The following JAML variants were observed in gnomAD, a reference collection of about 807,000 sequenced individuals.
The protein encoded by JAML is junctional adhesion molecule-like.
Under a neutral mutation model 39.3 loss-of-function variants are expected in JAML, and 25 were observed. The observed-to-expected ratio is 0.64, with a 90% CI of 0.46 to 0.89. The LOEUF is 0.89. JAML is among the 40% of genes least tolerant of loss of function. The pLI, the probability that JAML is intolerant of heterozygous loss-of-function variation, is 0.00. For missense variants in JAML, 440 were observed against 486.9 expected, an observed-to-expected ratio of 0.90 and a Z score of 0.91; for synonymous variants, 162 against 179.2, an observed-to-expected ratio of 0.90 and a Z score of 0.77.
Position 118,194,272 on chromosome 11 carries a change from C to T in JAML, c.*53G>A, listed in dbSNP as rs1948606736. On this transcript the variant is annotated 3_prime_UTR_variant, in exon 10 of 10. Transcript: ENST00000356289. ...ATCACTGGTAGAGTGGCCCAGGACA[C>T]ACACAGGAGAGAGTCTCCACCGCTG... is the stretch of plus-strand genomic sequence containing the variant. 1 of 1,497,124 alleles carries T rather than the reference C, an allele frequency of 6.7e-7. No homozygotes were observed. Among genetic ancestry groups the T allele is most frequent in the East Asian group, 2.3e-5 (1 of 44,252 alleles). The allele number at this position is 1,497,124 out of a possible 1,614,324, so 92.7% of individuals were successfully genotyped here. A position where few individuals can be genotyped will look rare whatever the true frequency, so the allele number is the denominator to read the frequency against.
At chr11:118,213,565 G>C (rs1291124134) in intron 2 of JAML, among the ~76,000 whole-genome samples, 1 of 152,250 alleles carries the variant, frequency 6.6e-6, no homozygotes, top group Non-Finnish European at 1.5e-5. Context: ...AGGAAGAATT[G>C]AGCAGCTCCA....
In JAML at chr11:118,197,942, T is replaced by A. The variant is rs750403633; in HGVS notation, c.1005+56A>T. On this transcript the variant is annotated intron_variant, in intron 8 of 9. Coordinates refer to ENST00000356289, the MANE Select transcript of JAML (RefSeq NM_001098526.2). ...GGGTAAGATATGGTTCCCGGGGGTATGAGAACGGCCCAGGCCTGCATCTAC... is the reference window on the plus strand; with the variant it reads ...GGGTAAGATATGGTTCCCGGGGGTAAGAGAACGGCCCAGGCCTGCATCTAC... 22 of 1,512,168 alleles carry A rather than the reference T, an allele frequency of 1.5e-5. No individual in the cohort carries two copies. In the Middle Eastern group the frequency reaches 5.1e-4, roughly 35 times the overall value. 93.7% of individuals were successfully genotyped at this position (1,512,168 alleles called of 1,614,324 possible).
intron 7 of JAML, among the ~76,000 whole-genome samples, chr11:118,199,279 G>C (rs1229227994): frequency 6.6e-6 from 1 of 152,208 alleles, no homozygotes; most frequent in East Asian, 1.9e-4. Context: ...GTCCCGACAG[G>C]GGAAGTAAGC....
chr11:118,210,566 G>C lies in JAML; in HGVS notation c.345C>G (p.Ile115Met). 1 of 1,614,214 alleles carries C rather than the reference G, an allele frequency of 6.2e-7. No individual in the cohort carries two copies. The highest frequency in any genetic ancestry group is 1.1e-5 in the South Asian group (1 of 91,086). ...DVQEADQGTY[I>M]CEIRLKGESQ... ...TCTCCCCTTTGAGGCGGATTTCACA[G>C]ATATAGGTTCCCTGGTCAGCCTCTT... Residue 115 changes from isoleucine (I) to methionine (M), a missense_variant, in exon 4 of 10, where the codon ATC (isoleucine) becomes ATG (methionine). By Grantham distance (10) the Ile-to-Met change is conservative. Transcript: ENST00000356289.
Position 118,203,615 on chromosome 11 carries a change from G to T in JAML, c.585C>A (p.Tyr195Ter). The T allele has an allele frequency of 6.2e-7, 1 of 1,614,146 alleles. No individual in the cohort carries two copies. Among genetic ancestry groups the T allele is most frequent in the Non-Finnish European group, 8.5e-7 (1 of 1,180,016 alleles). ...TCTGGAAGTGGCCCCAGCTCTGGGA[G>T]TACTCCACAGACATCCTGAGTTTGT... ...YYHKLRMSVE[Y>*]SQSWGHFQNR... The change falls in exon 6 of 10, where the codon TAC (tyrosine) becomes TAA (stop). Residue 195 changes from tyrosine (Y) to a stop codon, truncating the protein, a stop_gained. Transcript: ENST00000356289. LOFTEE classifies it high-confidence loss of function.
chr11:118,194,045 A>G lies in JAML; in HGVS notation c.*280T>C. 1 of 390,042 alleles carries G rather than the reference A, an allele frequency of 2.6e-6. No individual in the cohort carries two copies. Among genetic ancestry groups the G allele is most frequent in the Non-Finnish European group, 4.8e-6 (1 of 207,216 alleles). The allele number at this position is 390,042 out of a possible 1,614,324, so 24.2% of individuals were successfully genotyped here. On this transcript the variant is annotated 3_prime_UTR_variant, in exon 10 of 10. Coordinates refer to ENST00000356289, the MANE Select transcript of JAML (RefSeq NM_001098526.2). ...CCTGCCCACAGGAGGGTCTGATCCA[A>G]CGGGGGGTTTGAGGCCACTCAGCTC...
At position 118,196,827 on chromosome 11, in the gene JAML, G is replaced by A; in HGVS notation, c.1006-6C>T. On this transcript the variant is annotated splice_region_variant and splice_polypyrimidine_tract_variant and intron_variant, in intron 8 of 9. Transcript: ENST00000356289. ...ATTGGGGAGTAAATGTGTTTCTAGA[G>A]GGGGAAAATGGTACAAAAATTCCTA... 6.3e-7 allele frequency: 1 copy of A among 1,597,980 alleles called. No homozygotes were observed. The highest frequency in any genetic ancestry group is 8.6e-7 in the Non-Finnish European group (1 of 1,165,456).
chr11:118,208,792 A>C (rs1948978792), intron 4 of JAML: 1 of 152,340 alleles, frequency 6.6e-6, no homozygotes, highest in Admixed American at 6.5e-5. Flanking sequence ...TAAATTTTAG[A>C]GACACTGGCT....
At chr11:118,199,987 C>T (rs530275631) in intron 7 of JAML, among the ~76,000 whole-genome samples, 2 of 152,222 alleles carry the variant, frequency 1.3e-5, no homozygotes, top group South Asian at 2.1e-4. Context: ...TGAGACACTG[C>T]GCCTGGCCAA....
chr11:118,200,679 C>T (rs1948772243), intron 6 of JAML, 67 bp from the exon 7 acceptor site: 11 of 1,587,880 alleles, frequency 6.9e-6, no homozygotes, highest in South Asian at 5.6e-5. Flanking sequence ...GCCCCACAGC[C>T]CTATACCAAG....
chr11:118,203,757 A>G (rs1948863212), intron 5 of JAML, 92 bp from the exon 6 acceptor site: 5 of 1,008,664 alleles, frequency 5.0e-6, no homozygotes, highest in East Asian at 2.4e-5. Flanking sequence ...CAGGACTCCA[A>G]GGCCCTGCTA....
In JAML at chr11:118,208,495, A is replaced by G. The variant is rs142800945; in HGVS notation, c.424+1992T>C. On this transcript the variant is annotated intron_variant, in intron 4 of 9. Coordinates refer to ENST00000356289, the MANE Select transcript of JAML (RefSeq NM_001098526.2). The stretch of plus-strand genomic sequence containing the variant: ...TCTGTGCCAGGGGCTACGCCCAGGC[A>G]AGCAGGGAAGACACAAGTGAATAGG... Among the ~76,000 whole-genome samples, 4 of 152,354 alleles carry G rather than the reference A, an allele frequency of 2.6e-5. No individual in the cohort carries two copies. The East Asian group carries it at 7.7e-4, about 29-fold the overall frequency.
intron 6 of JAML, chr11:118,202,725 A>G: frequency 2.8e-6 from 1 of 357,422 alleles, no homozygotes; most frequent in South Asian, 2.1e-5. Flanking sequence ...GGTATGAGGT[A>G]TGTTCCATCC....
intron 1 of JAML, among the ~76,000 whole-genome samples, chr11:118,217,144 C>T (rs993449128): frequency 1.3e-5 from 2 of 152,298 alleles, no homozygotes; most frequent in South Asian, 2.1e-4. Context: ...AAGGCAGCAC[C>T]ATACGTGCCT....
intron 1 of JAML, among the ~76,000 whole-genome samples, chr11:118,217,647 T>C (rs11216821): frequency 0.21 from 31,509 of 152,076 alleles, 3,359 homozygotes; most frequent in Middle Eastern, 0.27. Context: ...AAATCAGTAG[T>C]TGATGTGTAA....
chr11:118,204,812 A>G (rs1207063691), intron 5 of JAML: 1 of 152,190 alleles, frequency 6.6e-6, no homozygotes, highest in Non-Finnish European at 1.5e-5. Context: ...AGTATTCTTC[A>G]TATAGCAGAT....
At position 118,194,138 on chromosome 11, in the gene JAML, C is replaced by T; in HGVS notation, c.*187G>A. On this transcript the variant is annotated 3_prime_UTR_variant, in exon 10 of 10. Coordinates refer to ENST00000356289, the MANE Select transcript of JAML (RefSeq NM_001098526.2). ...CCATGCTCCCCTCCCCTCAGCAGGCCTGTTCCTCCAGAGCTGTCCAGTCTC... is the reference window on the plus strand; with the variant it reads ...CCATGCTCCCCTCCCCTCAGCAGGCTTGTTCCTCCAGAGCTGTCCAGTCTC... 1 of 574,666 alleles carries T rather than the reference C, an allele frequency of 1.7e-6. No homozygotes were observed. Among genetic ancestry groups the T allele is most frequent in the Non-Finnish European group, 3.2e-6 (1 of 316,332 alleles). 35.6% of individuals were successfully genotyped at this position (574,666 alleles called of 1,614,324 possible).
Position 118,212,571 on chromosome 11 carries a change from T to C in JAML, c.44-10A>G. Reference sequence around the variant, plus strand: ...AGGCCCAAGGAATAATCTATAGAAGTCAAAGGCAAGAGGACACATCATTTA... The same window carrying C: ...AGGCCCAAGGAATAATCTATAGAAGCCAAAGGCAAGAGGACACATCATTTA... On this transcript the variant is annotated splice_polypyrimidine_tract_variant and intron_variant, in intron 2 of 9. Transcript: ENST00000356289. The C allele has an allele frequency of 6.2e-7, 1 of 1,613,304 alleles. No individual in the cohort carries two copies. Among genetic ancestry groups the C allele is most frequent in the Non-Finnish European group, 8.5e-7 (1 of 1,179,916 alleles).
intron 2 of JAML, chr11:118,212,777 A>G (rs751942739): frequency 1.0e-4 from 160 of 1,592,360 alleles, no homozygotes; most frequent in Admixed American, 1.2e-4. Flanking sequence ...ACTACAATAA[A>G]TGCTATCTGG....
Sources: gnomAD v4.1 joint callset for allele counts (sites outside exome capture counted in the v4.1 genomes callset) on GRCh38, gnomAD v4.1.1 for gene constraint, MANE v1.5 for transcripts, NCBI Gene and HGNC (gene_info 2026-07-23, HGNC 2026-07-21) for gene names.